Variants in TMEM132C observed in about 807,000 individuals in gnomAD.
TMEM132C encodes transmembrane protein 132C.
In TMEM132C, 29 loss-of-function variants were observed where a neutral mutation model predicts 61.4. The ratio of observed to expected loss-of-function variants is 0.47; its 90% CI spans 0.35 to 0.64. The LOEUF (loss-of-function observed/expected upper bound fraction) is 0.64. Ranked by LOEUF, TMEM132C falls within the 30% of genes least tolerant of loss-of-function variation. TMEM132C has a pLI of 0.00. For synonymous variants in TMEM132C, 656 were observed against 633.1 expected (o/e 1.04, Z -0.54); for missense variants, 1,408 against 1,476.9 (o/e 0.95, Z 0.76).
chr12:128,527,707 A>ATGTGTGTGTGTGTGTGTGTGTGTG (rs5801799), intron 2 of TMEM132C, among the ~76,000 whole-genome samples: 4 of 147,102 alleles, frequency 2.7e-5, no homozygotes, highest in African/African-American at 1.0e-4. Flanking sequence ...ATGTGCATGT[A>ATGTGTGTGTGTGTGTGTGTGTGTG]TGTGTGTGTG....
chr12:128,351,311 G>A (rs1176423406), intron 1 of TMEM132C, among the ~76,000 whole-genome samples: 1 of 152,062 alleles, frequency 6.6e-6, no homozygotes, highest in Non-Finnish European at 1.5e-5. Flanking sequence ...AGGTCTGTTG[G>A]GGCCATTGCA....
intron 1 of TMEM132C, among the ~76,000 whole-genome samples, chr12:128,335,582 A>AT (rs1872772255): frequency 1.3e-5 from 2 of 152,228 alleles, no homozygotes; most frequent in Admixed American, 1.3e-4. Flanking sequence ...TTTGATTATC[A>AT]TTGTAGCTCA....
chr12:128,530,156 G>A (rs373508618), intron 2 of TMEM132C, among the ~76,000 whole-genome samples: 3 of 152,082 alleles, frequency 2.0e-5, no homozygotes, highest in Non-Finnish European at 2.9e-5. Flanking sequence ...CTCCGCAGGC[G>A]TAGACGATGC....
intron 5 of TMEM132C, among the ~76,000 whole-genome samples, chr12:128,687,446 T>C (rs1449761846): frequency 6.6e-6 from 1 of 152,148 alleles, no homozygotes; most frequent in Non-Finnish European, 1.5e-5. Flanking sequence ...GATGCTCAAA[T>C]GCCCCCTGGG....
At chr12:128,567,703 C>T (rs145593459) in intron 3 of TMEM132C, among the ~76,000 whole-genome samples, 63 of 152,262 alleles carry the variant, frequency 4.1e-4, no homozygotes, top group African/African-American at 1.3e-3. Flanking sequence ...TCATGCTTCA[C>T]GTGGCAGGAT....
intron 6 of TMEM132C, among the ~76,000 whole-genome samples, chr12:128,694,856 A>G (rs2135653798): frequency 6.6e-6 from 1 of 152,342 alleles, no homozygotes; most frequent in South Asian, 2.1e-4. Flanking sequence ...TTTGTTCCAC[A>G]TCCCTGAGGG....
At chr12:128,423,333 C>T (rs1869056794) in intron 2 of TMEM132C, among the ~76,000 whole-genome samples, 3 of 152,034 alleles carry the variant, frequency 2.0e-5, no homozygotes, top group African/African-American at 7.2e-5. Context: ...TGGATGAGGC[C>T]CAGTCATTTT....
intron 1 of TMEM132C, among the ~76,000 whole-genome samples, chr12:128,405,400 G>A (rs1462888373): frequency 6.6e-6 from 1 of 152,152 alleles, no homozygotes; most frequent in Non-Finnish European, 1.5e-5. Flanking sequence ...GTTCATGTGG[G>A]CACCTCTGTG....
intron 8 of TMEM132C, among the ~76,000 whole-genome samples, chr12:128,698,183 TGA>T (rs1954779149): frequency 8.4e-6 from 1 of 118,870 alleles, no homozygotes. Flanking sequence ...CTCTTAGAAT[TGA>T]CCATCACAGG....
At chr12:128,532,556 T>C (rs1260943387) in intron 2 of TMEM132C, among the ~76,000 whole-genome samples, 1 of 137,868 alleles carries the variant, frequency 7.3e-6, no homozygotes, top group African/African-American at 3.0e-5. Context: ...GGAGAATGTC[T>C]TGAACCCTGG....
At chr12:128,429,505 G>T (rs1869313010) in intron 2 of TMEM132C, among the ~76,000 whole-genome samples, 1 of 152,146 alleles carries the variant, frequency 6.6e-6, no homozygotes, top group African/African-American at 2.4e-5. Context: ...TCTCTGCTGG[G>T]AACCTGGCAG....
rs139266353 is a variant in TMEM132C at position 128,469,428 on chromosome 12, A to G, written c.974+53808A>G. 2.8e-3 allele frequency among the ~76,000 whole-genome samples: 413 copies of G among 145,160 alleles called. 5 individuals are homozygous for G. The highest frequency in any genetic ancestry group is 8.2e-4 in the East Asian group (4 of 4,898). On this transcript the variant is annotated intron_variant, in intron 2 of 8. Transcript: ENST00000435159. Reference sequence around the variant, plus strand: ...CCTCCTGGGTTCAGGTGATCCTCCCACCTCAGCCTCCCAAGTAGCTGGGAC... The same window carrying G: ...CCTCCTGGGTTCAGGTGATCCTCCCGCCTCAGCCTCCCAAGTAGCTGGGAC...
At chr12:128,453,954 A>T (rs977716081) in intron 2 of TMEM132C, among the ~76,000 whole-genome samples, 1 of 152,010 alleles carries the variant, frequency 6.6e-6, no homozygotes, top group African/African-American at 2.4e-5. Flanking sequence ...CGTGAAGGAG[A>T]TGTGTGGAGA....
intron 2 of TMEM132C, among the ~76,000 whole-genome samples, chr12:128,523,349 C>T (rs562013489): frequency 6.6e-6 from 1 of 152,268 alleles, no homozygotes; most frequent in South Asian, 2.1e-4. Context: ...TGATGATGGT[C>T]TTGCAATACT....
intron 1 of TMEM132C, among the ~76,000 whole-genome samples, chr12:128,271,365 G>T (rs1299800225): frequency 6.6e-6 from 1 of 151,496 alleles, no homozygotes; most frequent in Non-Finnish European, 1.5e-5. Flanking sequence ...TCCACAATGT[G>T]TACATATATC....
chr12:128,343,740 T>C (rs1186103274), intron 1 of TMEM132C, among the ~76,000 whole-genome samples: 1 of 152,208 alleles, frequency 6.6e-6, no homozygotes, highest in Non-Finnish European at 1.5e-5. Context: ...AACCCTGTAT[T>C]CATTCAGCAG....
intron 4 of TMEM132C, among the ~76,000 whole-genome samples, chr12:128,639,406 A>G (rs895830767): frequency 2.0e-5 from 3 of 148,368 alleles, no homozygotes; most frequent in Non-Finnish European, 3.0e-5. Context: ...GATGATGGTG[A>G]TGATGATGAT....
intron 3 of TMEM132C, among the ~76,000 whole-genome samples, chr12:128,554,196 A>G (rs535477643): frequency 2.9e-4 from 44 of 152,364 alleles, no homozygotes; most frequent in Non-Finnish European, 5.9e-5. Context: ...CTGGACTCAG[A>G]GGCATCCATG....
At chr12:128,512,976 C>T (rs993324362) in intron 2 of TMEM132C, among the ~76,000 whole-genome samples, 4 of 152,122 alleles carry the variant, frequency 2.6e-5, no homozygotes, top group Admixed American at 6.5e-5. Flanking sequence ...ACAGCAACAC[C>T]GCTGTCCGTG....
Sources: allele counts gnomAD v4.1 joint callset (sites outside exome capture counted in the v4.1 genomes callset), GRCh38; gene constraint gnomAD v4.1.1; transcripts MANE v1.5; gene names NCBI Gene and HGNC (gene_info 2026-07-23, HGNC 2026-07-21).